Variants in COL11A1 observed in about 807,000 individuals in gnomAD.
COL11A1 encodes the protein collagen type XI alpha 1 chain, also known as collagen alpha-1(XI) chain.
COL11A1 carries 74 observed loss-of-function variants against 265.2 expected under a neutral mutation model. That is an observed-to-expected ratio of 0.28 (90% CI 0.23 to 0.34). COL11A1 has a LOEUF of 0.34. Among genes scored for constraint, COL11A1 ranks in the 10% least tolerant of loss-of-function variants. COL11A1 has a pLI of 1.00. For missense variants in COL11A1, 2,165 were observed against 2,263.6 expected (o/e 0.96, Z 0.88); for synonymous variants, 816 against 727.6 (o/e 1.12, Z -1.96).
intron 37 of COL11A1, among the ~76,000 whole-genome samples, chr1:102,967,245 T>G (rs1557882379): frequency 9.1e-6 from 1 of 110,222 alleles, no homozygotes; most frequent in Non-Finnish European, 1.9e-5. Context: ...TTTTTTTTTT[T>G]TTTTTTTTTT....
At chr1:103,055,581 A>G (rs1670183263) in intron 4 of COL11A1, among the ~76,000 whole-genome samples, 1 of 152,198 alleles carries the variant, frequency 6.6e-6, no homozygotes, top group African/African-American at 2.4e-5. Flanking sequence ...AATTTTAGGG[A>G]TTTGGAAGAT....
intron 44 of COL11A1, among the ~76,000 whole-genome samples, chr1:102,935,380 C>T (rs1289233184): frequency 6.6e-6 from 1 of 152,140 alleles, no homozygotes. Context: ...AGATAGATTT[C>T]TATGCTATCA....
chr1:102,979,174 G>A (rs1468931189), intron 32 of COL11A1, 70 bp from the exon 33 acceptor site: 2 of 1,408,660 alleles, frequency 1.4e-6, no homozygotes, highest in Non-Finnish European at 2.0e-6. Context: ...CTGAGACTGA[G>A]TAGTCATGCA....
chr1:102,960,846 G>T (rs893953385), intron 41 of COL11A1, among the ~76,000 whole-genome samples: 1 of 152,074 alleles, frequency 6.6e-6, no homozygotes, highest in African/African-American at 2.4e-5. Flanking sequence ...CTATAGGATG[G>T]GTATGATAGA....
rs747888494 is a variant in COL11A1 at position 102,888,850 on chromosome 1, T to C, written c.4518+16A>G. On this transcript the variant is annotated intron_variant, in intron 60 of 66. Transcript: ENST00000370096. Reference sequence around the variant, plus strand: ...ACTTAACCCTACCTTATAAGGTTATTTTGTCTTGTACTTACTGGTAAACCT... The same window carrying C: ...ACTTAACCCTACCTTATAAGGTTATCTTGTCTTGTACTTACTGGTAAACCT... 6.2e-7 allele frequency: 1 copy of C among 1,612,234 alleles called. No homozygotes were observed. Among genetic ancestry groups the C allele is most frequent in the Non-Finnish European group, 8.5e-7 (1 of 1,178,304 alleles).
intron 38 of COL11A1, among the ~76,000 whole-genome samples, chr1:102,964,513 T>C (rs991688577): frequency 2.0e-5 from 3 of 152,042 alleles, no homozygotes; most frequent in Non-Finnish European, 2.9e-5. Context: ...AATCAATAAA[T>C]CCAATGATTC....
intron 1 of COL11A1, among the ~76,000 whole-genome samples, chr1:103,093,822 A>C (rs190938055): frequency 2.0e-5 from 3 of 152,140 alleles, no homozygotes; most frequent in Admixed American, 2.0e-4. Context: ...CTACTTGTCC[A>C]AAGTACATCT....
In COL11A1 at chr1:102,898,684, C is replaced by A. The variant is rs1348561782; in HGVS notation, c.4230G>T (p.Arg1410=). The change falls in exon 56 of 67, where the codon CGG becomes CGT. Residue 1410 remains arginine (R), a synonymous_variant. Coordinates refer to ENST00000370096, the MANE Select transcript of COL11A1 (RefSeq NM_001854.4). ...PAGKPGPEGL[R]GIPGPVGEQG... is the part of the protein sequence containing the mutation. Reference sequence around the variant, plus strand: ...TGCTCACCACAGGACCAGGGATGCCCCGAAGACCTTCTGGACCAGGCTTTC... The same window carrying A: ...TGCTCACCACAGGACCAGGGATGCCACGAAGACCTTCTGGACCAGGCTTTC... The A allele has an allele frequency of 6.2e-7, 1 of 1,612,500 alleles. No homozygotes were observed. The highest frequency in any genetic ancestry group is 1.7e-5 in the Admixed American group (1 of 59,952).
chr1:102,902,685 G>A (rs1341729403), intron 54 of COL11A1, among the ~76,000 whole-genome samples: 1 of 151,256 alleles, frequency 6.6e-6, no homozygotes, highest in African/African-American at 2.4e-5. Context: ...ATTTTAAGAG[G>A]ATTTATAATT....
chr1:103,084,933 A>G (rs1218759712), intron 1 of COL11A1, among the ~76,000 whole-genome samples: 1 of 152,226 alleles, frequency 6.6e-6, no homozygotes, highest in Non-Finnish European at 1.5e-5. Flanking sequence ...AACACGTTTC[A>G]TACTGAACAT....
At chr1:103,019,146 C>G (rs1305919737) in intron 9 of COL11A1, among the ~76,000 whole-genome samples, 2 of 152,056 alleles carry the variant, frequency 1.3e-5, no homozygotes, top group African/African-American at 4.8e-5. Context: ...AGGAAGAGTA[C>G]AGACAAAACA....
chr1:103,002,715 T>A (rs1164027254), intron 22 of COL11A1, 32 bp downstream of exon 22: 1 of 1,588,500 alleles, frequency 6.3e-7, no homozygotes, highest in South Asian at 1.1e-5. Context: ...TATATTCAAA[T>A]ATGAGTTATT....
At chr1:103,080,491 C>T (rs1395993607) in intron 2 of COL11A1, among the ~76,000 whole-genome samples, 2 of 151,446 alleles carry the variant, frequency 1.3e-5, no homozygotes, top group Non-Finnish European at 3.0e-5. Context: ...ACAAGTAATC[C>T]AATTAAAAAT....
At position 103,011,559 on chromosome 1, in the gene COL11A1, T is replaced by A. The variant is rs959883783; in HGVS notation, c.1629+854A>T. 2.0e-5 allele frequency among the ~76,000 whole-genome samples: 3 copies of A among 152,006 alleles called. No homozygotes were observed. The East Asian group carries it at 5.8e-4, about 29-fold the overall frequency. ...ATGAAGAAAAACTATTATCCTAATA[T>A]AATCAGTAAAACAGACTAAATAATT... On this transcript the variant is annotated intron_variant, in intron 14 of 66. Coordinates refer to ENST00000370096, the MANE Select transcript of COL11A1 (RefSeq NM_001854.4).
In COL11A1 at chr1:103,103,567, A is replaced by T. The variant is rs575244968; in HGVS notation, c.106+4506T>A. Among the ~76,000 whole-genome samples, 12 of 152,070 alleles carry T rather than the reference A, an allele frequency of 7.9e-5. No homozygotes were observed. In the South Asian group the frequency reaches 2.5e-3, roughly 32 times the overall value. ...TCATTCTGTAACTATTTTCTATTTA[A>T]ATTTCTTTATATAAGACATTTTCAC... On this transcript the variant is annotated intron_variant, in intron 1 of 66. Coordinates refer to ENST00000370096, the MANE Select transcript of COL11A1 (RefSeq NM_001854.4).
chr1:103,101,603 G>A (rs545264296), intron 1 of COL11A1, among the ~76,000 whole-genome samples: 1 of 151,992 alleles, frequency 6.6e-6, no homozygotes, highest in South Asian at 2.1e-4. Flanking sequence ...CAGTTTACCA[G>A]TCAAACAGAG....
intron 4 of COL11A1, among the ~76,000 whole-genome samples, chr1:103,064,051 A>G (rs75025010): frequency 0.011 from 1,695 of 152,280 alleles, 36 homozygotes; most frequent in African/African-American, 0.038. Flanking sequence ...GGCAAATTCA[A>G]AACAGTGATG....
intron 4 of COL11A1, among the ~76,000 whole-genome samples, chr1:103,056,954 C>T (rs1200221753): frequency 6.6e-6 from 1 of 152,106 alleles, no homozygotes; most frequent in Non-Finnish European, 1.5e-5. Flanking sequence ...AGGGTCTCAC[C>T]TCTGTGTCTA....
At chr1:103,026,008 A>T in intron 6 of COL11A1, 1 of 1,549,600 alleles carries the variant, frequency 6.5e-7, no homozygotes, top group Admixed American at 1.7e-5. Context: ...GGAGGGAAAT[A>T]TAGAGCACAG....
Sources: allele counts gnomAD v4.1 joint callset (sites outside exome capture counted in the v4.1 genomes callset), GRCh38; gene constraint gnomAD v4.1.1; transcripts MANE v1.5; gene names NCBI Gene and HGNC (gene_info 2026-07-23, HGNC 2026-07-21).